The following ARHGEF4 variants were observed in gnomAD, a reference collection of about 807,000 sequenced individuals.
ARHGEF4 encodes APC-stimulated guanine nucleotide exchange factor 1.
In ARHGEF4, 119 loss-of-function variants were observed where a neutral mutation model predicts 162.0. The observed-to-expected ratio is 0.73, with a 90% confidence interval of 0.63 to 0.86. ARHGEF4 has a LOEUF of 0.86. Ranked by LOEUF, ARHGEF4 falls within the 40% of genes least tolerant of loss-of-function variation. ARHGEF4 has a pLI of 0.00. For synonymous variants in ARHGEF4, 1,014 were observed against 979.9 expected (o/e 1.03, Z -0.65); for missense variants, 2,488 against 2,456.0 (o/e 1.01, Z -0.28).
At chr2:130,926,052 T>TTCTTTCTTTC (rs1559043891) in intron 2 of ARHGEF4, among the ~76,000 whole-genome samples, 1,245 of 98,060 alleles carry the variant, frequency 0.013, 16 homozygotes, top group African/African-American at 0.042. Context: ...TTCTTTCTCT[T>TTCTTTCTTTC]TCTTTCTTTC....
chr2:130,856,739 C>T (rs919729827), intron 1 of ARHGEF4, among the ~76,000 whole-genome samples: 6 of 152,012 alleles, frequency 3.9e-5, no homozygotes, highest in African/African-American at 1.2e-4. Flanking sequence ...ACCAACATGG[C>T]GCATGTATAC....
intron 1 of ARHGEF4, among the ~76,000 whole-genome samples, chr2:130,863,015 A>G (rs1453571051): frequency 5.1e-5 from 1 of 19,552 alleles, no homozygotes; most frequent in African/African-American, 9.6e-4. Flanking sequence ...ACTTGAGCCT[A>G]TGAGTTTGAG....
chr2:130,992,486 G>A (rs1215103963), intron 4 of ARHGEF4, among the ~76,000 whole-genome samples: 3 of 151,958 alleles, frequency 2.0e-5, no homozygotes, highest in Admixed American at 6.6e-5. Flanking sequence ...CTTAAGAGCT[G>A]TAACACTCAC....
chr2:130,906,256 G>T (rs988075640), intron 1 of ARHGEF4, among the ~76,000 whole-genome samples: 2 of 152,164 alleles, frequency 1.3e-5, no homozygotes, highest in Non-Finnish European at 2.9e-5. Flanking sequence ...CAAGATTTGG[G>T]TTTGAAGTGT....
At chr2:130,837,335 C>T (rs1574069129) in intron 1 of ARHGEF4, 1 of 342,134 alleles carries the variant, frequency 2.9e-6, no homozygotes, top group Non-Finnish European at 5.4e-6. Flanking sequence ...GAGCCGCTGC[C>T]TGGACCGGCC....
chr2:130,905,179 C>T (rs889510350), intron 1 of ARHGEF4, among the ~76,000 whole-genome samples: 2 of 152,114 alleles, frequency 1.3e-5, no homozygotes, highest in African/African-American at 2.4e-5. Context: ...ACAAAATTAT[C>T]GCACATTCTC....
At chr2:130,906,972 G>A (rs576518666) in intron 1 of ARHGEF4, among the ~76,000 whole-genome samples, 33 of 152,144 alleles carry the variant, frequency 2.2e-4, no homozygotes, top group Admixed American at 5.9e-4. Flanking sequence ...ATCACAGAGC[G>A]GTTCGATCAC....
At chr2:130,958,015 C>CA (rs34565820) in intron 4 of ARHGEF4, among the ~76,000 whole-genome samples, 7,419 of 138,654 alleles carry the variant, frequency 0.054, 541 homozygotes, top group African/African-American at 0.17. Context: ...TTAAAAGGAA[C>CA]AAAAAAAAAA....
chr2:130,972,327 A>C (rs1685421172), intron 4 of ARHGEF4, among the ~76,000 whole-genome samples: 3 of 152,220 alleles, frequency 2.0e-5, no homozygotes, highest in Admixed American at 1.3e-4. Context: ...TGAGTTAAAG[A>C]TACCTTGAAA....
Position 130,916,463 on chromosome 2 carries a change from T to C in ARHGEF4, c.2517T>C (p.Ala839=). ...PEGLPRENPP[A]AAGRDAPPLH... Reference sequence around the variant, plus strand: ...GGCTCCCCAGGGAGAATCCGCCCGCTGCGGCCGGTCGGGACGCACCGCCTC... The same window carrying C: ...GGCTCCCCAGGGAGAATCCGCCCGCCGCGGCCGGTCGGGACGCACCGCCTC... Residue 839 remains alanine, a synonymous_variant, in exon 2 of 14, where the codon GCT becomes GCC. Transcript: ENST00000409359. 1 of 1,543,126 alleles carries C rather than the reference T, an allele frequency of 6.5e-7. No individual in the cohort carries two copies.
At chr2:131,015,252 T>C (rs1478037438) in intron 4 of ARHGEF4, among the ~76,000 whole-genome samples, 1 of 152,258 alleles carries the variant, frequency 6.6e-6, no homozygotes, top group Non-Finnish European at 1.5e-5. Flanking sequence ...TCAGGGTTTC[T>C]GTTGCCAAAG....
At chr2:130,860,832 G>C (rs1257407768) in intron 1 of ARHGEF4, among the ~76,000 whole-genome samples, 1 of 89,774 alleles carries the variant, frequency 1.1e-5, no homozygotes, top group South Asian at 4.5e-4. Context: ...GTAACATATG[G>C]AAACACAATA....
rs1472538026 is a variant in ARHGEF4 at position 131,038,862 on chromosome 2, G to A, written c.4135G>A (p.Asp1379Asn). The A allele has an allele frequency of 6.2e-6, 10 of 1,607,814 alleles. No individual in the cohort carries two copies. The highest frequency in any genetic ancestry group is 1.3e-5 in the African/African-American group (1 of 74,908). Residue 1379 changes from aspartate (D) to asparagine (N), a missense_variant, in exon 6 of 14, where the codon GAT becomes AAT. By Grantham distance (23) the Asp-to-Asn change is conservative. Around this residue, in one of 6 missense-constraint regions of ARHGEF4, gnomAD observed 5 missense variants for 18.5 expected, o/e 0.27. Transcript: ENST00000409359. Reference protein sequence around the residue: ...EQLAINELISDGSVVCAEALW... With the variant: ...EQLAINELISNGSVVCAEALW... ...GTGGCTCTCTCGGCAGCTCATCAGC[G>A]ATGGCAGTGTGGTCTGCGCTGAAGC... is the stretch of plus-strand genomic sequence containing the variant.
intron 4 of ARHGEF4, among the ~76,000 whole-genome samples, chr2:130,964,799 C>G (rs1377503276): frequency 6.6e-6 from 1 of 152,220 alleles, no homozygotes; most frequent in Non-Finnish European, 1.5e-5. Context: ...CTGCGCTTTA[C>G]CGACCTGGCA....
chr2:130,923,598 C>T (rs960510521), intron 2 of ARHGEF4, among the ~76,000 whole-genome samples: 3 of 152,184 alleles, frequency 2.0e-5, no homozygotes, highest in African/African-American at 4.8e-5. Flanking sequence ...GCAGGATGTC[C>T]GTCCTCACAG....
Position 131,046,753 on chromosome 2 carries a change from G to A in ARHGEF4, c.*564G>A, listed in dbSNP as rs1036264422. On this transcript the variant is annotated 3_prime_UTR_variant, in exon 14 of 14. Coordinates refer to ENST00000409359, the MANE Select transcript of ARHGEF4 (RefSeq NM_001367493.1). The stretch of plus-strand genomic sequence containing the variant: ...CCCGGAGCCCGCCCTTCGCCTCCCA[G>A]CCCCTCAAGACACCGCTGGCTGCTG... 5.2e-5 allele frequency: 8 copies of A among 153,288 alleles called. No individual in the cohort carries two copies. The highest frequency in any genetic ancestry group is 1.9e-4 in the African/African-American group (8 of 41,424). 9.5% of individuals were successfully genotyped at this position (153,288 alleles called of 1,614,324 possible). A position where few individuals can be genotyped will look rare whatever the true frequency, so the allele number is the denominator to read the frequency against.
chr2:130,841,545 C>T (rs1680614924), intron 1 of ARHGEF4, among the ~76,000 whole-genome samples: 2 of 152,120 alleles, frequency 1.3e-5, no homozygotes, highest in Non-Finnish European at 2.9e-5. Context: ...TGAATGCTTC[C>T]TCCCATCCTC....
chr2:130,842,492 C>T (rs1179109810), intron 1 of ARHGEF4, among the ~76,000 whole-genome samples: 1 of 152,214 alleles, frequency 6.6e-6, no homozygotes, highest in Non-Finnish European at 1.5e-5. Context: ...TATTACCTCA[C>T]TTTAAGCTGT....
Position 130,915,888 on chromosome 2 carries a change from GCGGGGC to G in ARHGEF4, c.1944_1949del (p.Gly649_Pro650del), listed in dbSNP as rs773841032. ...AGGTCTTCAGGCCAGCAGGAGCAAT[GCGGGGC>G]CTGTTCCAGAAACACTGCCCCGTGA... is the stretch of plus-strand genomic sequence containing the variant. On this transcript the variant is annotated inframe_deletion, in exon 2 of 14. Coordinates refer to ENST00000409359, the MANE Select transcript of ARHGEF4 (RefSeq NM_001367493.1). 1 of 1,549,958 alleles carries G rather than the reference GCGGGGC, an allele frequency of 6.5e-7. No individual in the cohort carries two copies. Among genetic ancestry groups the G allele is most frequent in the Non-Finnish European group, 8.7e-7 (1 of 1,146,820 alleles).
Sources: allele counts gnomAD v4.1 joint callset (sites outside exome capture counted in the v4.1 genomes callset), GRCh38; gene constraint gnomAD v4.1.1; regional missense constraint gnomAD v4.1.1; transcripts MANE v1.5; gene names NCBI Gene and HGNC (gene_info 2026-07-23, HGNC 2026-07-21).